Variants in PCTP observed in about 807,000 individuals in gnomAD.
The protein encoded by PCTP is phosphatidylcholine transfer protein.
Under a neutral mutation model 31.0 loss-of-function variants are expected in PCTP, and 27 were observed. The ratio of observed to expected loss-of-function variants is 0.87; its 90% confidence interval spans 0.64 to 1.20. The LOEUF (loss-of-function observed/expected upper bound fraction) is 1.20, where lower values mean the gene tolerates loss of function less well. Ranked by LOEUF, PCTP falls within the 50% of genes most tolerant of loss-of-function variation. The probability of loss-of-function intolerance (pLI) is 0.00; values close to 1 mark genes in which losing one functional copy is unlikely to be tolerated. For missense variants in PCTP, 287 were observed against 268.2 expected, an observed-to-expected ratio of 1.07 and a Z score of -0.49; for synonymous variants, 108 against 101.2, an observed-to-expected ratio of 1.07 and a Z score of -0.40.
intron 3 of PCTP, among the ~76,000 whole-genome samples, chr17:55,819,710 A>G (rs1275022899): frequency 2.0e-5 from 3 of 152,214 alleles, no homozygotes; most frequent in African/African-American, 7.2e-5. Flanking sequence ...AGCTGTGATC[A>G]TTCCACTGCA....
At chr17:55,777,402 C>T (rs1321178982), downstream of PCTP, 2 of 978,388 alleles carry the variant, frequency 2.0e-6, no homozygotes, top group Non-Finnish European at 2.4e-6. Context: ...TTCCTTCCTA[C>T]CTTCTTCCTT....
At chr17:55,843,844 A>G (rs1202416310), downstream of PCTP, among the ~76,000 whole-genome samples, 3 of 152,202 alleles carry the variant, frequency 2.0e-5, no homozygotes, top group Admixed American at 6.5e-5. Flanking sequence ...AATTAAATTG[A>G]AGCACTGAAG....
At chr17:55,751,496 T>G in intron 1 of PCTP, 1 of 1,520,750 alleles carries the variant, frequency 6.6e-7, no homozygotes, top group Non-Finnish European at 8.8e-7. Context: ...CGACGGGGCA[T>G]GTAGTTAGAA....
intron 2 of PCTP, among the ~76,000 whole-genome samples, chr17:55,786,751 C>T (rs1911761293): frequency 2.0e-5 from 3 of 152,148 alleles, no homozygotes; most frequent in Admixed American, 2.0e-4. Flanking sequence ...TCATCTTGTG[C>T]AGTTAAGATT....
intron 5 of PCTP, among the ~76,000 whole-genome samples, chr17:55,836,848 T>G (rs1905792869): frequency 6.6e-6 from 1 of 152,182 alleles, no homozygotes; most frequent in South Asian, 2.1e-4. Flanking sequence ...AAGCCAAAAT[T>G]ATACAAATAA....
intron 5 of PCTP, among the ~76,000 whole-genome samples, chr17:55,832,867 T>A (rs1282844109): frequency 2.0e-5 from 3 of 152,210 alleles, no homozygotes; most frequent in Non-Finnish European, 2.9e-5. Context: ...CCAAGCTAAG[T>A]TGAGGGCTTT....
chr17:55,782,438 G>A (rs977684525), intron 2 of PCTP, among the ~76,000 whole-genome samples: 2 of 152,152 alleles, frequency 1.3e-5, no homozygotes, highest in Non-Finnish European at 2.9e-5. Flanking sequence ...TTGTGTGCGA[G>A]GCACTAGATT....
chr17:55,837,377 C>T (rs540861244), intron 5 of PCTP, among the ~76,000 whole-genome samples: 56 of 152,228 alleles, frequency 3.7e-4, no homozygotes, highest in Admixed American at 1.2e-3. Flanking sequence ...TGTATTCGTA[C>T]GGTGTTGAAT....
chr17:55,753,036 C>T (rs1597967310), intron 1 of PCTP, among the ~76,000 whole-genome samples: 1 of 152,216 alleles, frequency 6.6e-6, no homozygotes, highest in East Asian at 1.9e-4. Flanking sequence ...CAGGGATGAG[C>T]CACCACACCC....
chr17:55,780,543 C>T (rs895304042), downstream of PCTP, among the ~76,000 whole-genome samples: 1 of 152,236 alleles, frequency 6.6e-6, no homozygotes, highest in East Asian at 1.9e-4. Context: ...TCCATGTCCT[C>T]TGCAGACTGC....
chr17:55,760,563 C>T (rs1409268381), intron 1 of PCTP, among the ~76,000 whole-genome samples: 45 of 152,190 alleles, frequency 3.0e-4, no homozygotes, highest in Non-Finnish European at 7.3e-5. Context: ...TCTTTTCTGA[C>T]TAGCTTTTCT....
chr17:55,801,296 A>G (rs1187739679), intron 3 of PCTP, among the ~76,000 whole-genome samples: 2 of 152,128 alleles, frequency 1.3e-5, no homozygotes, highest in African/African-American at 2.4e-5. Flanking sequence ...TCAATATTAG[A>G]CAGATCAGTG....
At chr17:55,785,606 A>G (rs1030365464) in intron 2 of PCTP, among the ~76,000 whole-genome samples, 3 of 152,220 alleles carry the variant, frequency 2.0e-5, no homozygotes, top group African/African-American at 7.2e-5. Context: ...ACCAAACAAA[A>G]TGATCACACA....
chr17:55,811,642 G>C (rs1039251087), intron 3 of PCTP, among the ~76,000 whole-genome samples: 1 of 152,220 alleles, frequency 6.6e-6, no homozygotes, highest in Non-Finnish European at 1.5e-5. Flanking sequence ...CCCTTGGCTG[G>C]ACAGCTTCAC....
At chr17:55,795,080 C>T (rs1004017479) in intron 3 of PCTP, among the ~76,000 whole-genome samples, 14 of 151,920 alleles carry the variant, frequency 9.2e-5, no homozygotes, top group African/African-American at 3.4e-4. Context: ...CTCTTTTCAC[C>T]AGTGCCTAAA....
chr17:55,845,035 CAAGAAT>C (rs1906099200), downstream of PCTP, among the ~76,000 whole-genome samples: 1 of 125,588 alleles, frequency 8.0e-6, no homozygotes, highest in East Asian at 2.3e-4. Flanking sequence ...TGCAGTGAAC[CAAGAAT>C]GCGCCATTGC....
intron 1 of PCTP, 129 bp from the exon 2 acceptor site, chr17:55,767,206 G>A (rs1910710947): frequency 6.5e-6 from 3 of 458,544 alleles, no homozygotes; most frequent in East Asian, 3.6e-5. Flanking sequence ...CTCCCATTTT[G>A]TAGGTTGCCT....
At chr17:55,791,394 G>T (rs368671620) in intron 3 of PCTP, among the ~76,000 whole-genome samples, 2 of 146,220 alleles carry the variant, frequency 1.4e-5, no homozygotes, top group Admixed American at 6.8e-5. Flanking sequence ...GAAAATTTTC[G>T]CAACCTACTC....
chr17:55,831,041 C>G (rs28588048), intron 5 of PCTP, among the ~76,000 whole-genome samples: 25,719 of 152,154 alleles, frequency 0.17, 2,297 homozygotes, highest in Middle Eastern at 0.26. Context: ...GGGGCAGCAG[C>G]CTTCTTCCCT....
Sources: gnomAD v4.1 joint callset for allele counts (sites outside exome capture counted in the v4.1 genomes callset) on GRCh38, gnomAD v4.1.1 for gene constraint, MANE v1.5 for transcripts, NCBI Gene and HGNC (gene_info 2026-07-23, HGNC 2026-07-21) for gene names.